Variants in SV2C observed in about 807,000 individuals in gnomAD.
The protein encoded by SV2C is synaptic vesicle glycoprotein 2C.
A neutral mutation model predicts 79.7 loss-of-function variants in SV2C; 49 were observed. The ratio of observed to expected loss-of-function variants is 0.61; its 90% confidence interval spans 0.49 to 0.78. The LOEUF (loss-of-function observed/expected upper bound fraction) is 0.78, where lower values mean the gene tolerates loss of function less well. SV2C is among the 30% of genes least tolerant of loss of function. SV2C has a pLI of 0.00. For missense variants in SV2C, 833 were observed against 912.9 expected (o/e 0.91, Z 1.13); for synonymous variants, 334 against 333.2 (o/e 1.00, Z -0.03).
the SV2C span, among the ~76,000 whole-genome samples, chr5:76,014,537 T>C: frequency 3.9e-5 from 6 of 152,188 alleles, no homozygotes; most frequent in African/African-American, 7.2e-5. Flanking sequence ...CTCTTCAACT[T>C]TGAATGTTCC....
At chr5:76,088,543 A>G (rs1449441153) in intron 1 of SV2C, among the ~76,000 whole-genome samples, 1 of 152,120 alleles carries the variant, frequency 6.6e-6, no homozygotes, top group African/African-American at 2.4e-5. Context: ...TAAGGGCACT[A>G]ATCCCATTCA....
the SV2C span, among the ~76,000 whole-genome samples, chr5:76,007,895 G>T: frequency 6.6e-6 from 1 of 152,084 alleles, no homozygotes; most frequent in Non-Finnish European, 1.5e-5. Flanking sequence ...CTCACCTGTT[G>T]CTGACAGGGA....
chr5:76,170,005 T>C (rs34951990), intron 2 of SV2C, among the ~76,000 whole-genome samples: 16,955 of 152,062 alleles, frequency 0.11, 1,045 homozygotes, highest in Non-Finnish European at 0.13. Context: ...TAAATAACAA[T>C]TTTCTCTACA....
the SV2C span, among the ~76,000 whole-genome samples, chr5:76,073,243 A>G: frequency 6.6e-6 from 1 of 151,974 alleles, no homozygotes; most frequent in South Asian, 2.1e-4. Flanking sequence ...TAAGTCTTTG[A>G]TCCATCTTGA....
chr5:76,040,441 A>T, the SV2C span, among the ~76,000 whole-genome samples: 1 of 152,232 alleles, frequency 6.6e-6, no homozygotes, highest in Non-Finnish European at 1.5e-5. Flanking sequence ...GCAACAGACA[A>T]TGCCTTTGAT....
chr5:76,352,480 G>A (rs922649561), intron 12 of SV2C, among the ~76,000 whole-genome samples: 20 of 152,314 alleles, frequency 1.3e-4, no homozygotes, highest in African/African-American at 4.6e-4. Context: ...TACTGCAAGA[G>A]TAGGTTTGTC....
At chr5:76,335,426 T>G (rs1186603463), downstream of SV2C, among the ~76,000 whole-genome samples, 1 of 147,754 alleles carries the variant, frequency 6.8e-6, no homozygotes, top group East Asian at 2.0e-4. Flanking sequence ...TTTTTTTTTT[T>G]TTTTTTTTTT....
the SV2C span, among the ~76,000 whole-genome samples, chr5:75,883,327 T>C: frequency 5.6e-5 from 8 of 143,976 alleles, no homozygotes; most frequent in South Asian, 2.2e-4. Context: ...TTGACCCAGC[T>C]ATCCCATTAC....
At chr5:75,875,680 C>A in the SV2C span, among the ~76,000 whole-genome samples, 1 of 152,004 alleles carries the variant, frequency 6.6e-6, no homozygotes, top group South Asian at 2.1e-4. Flanking sequence ...ATGCATCTGA[C>A]AAAGGTCTAA....
rs1207480465 is a variant in SV2C, at chr5:76,332,449, CAT to C, written c.*6904_*6905del. ...GAACTTTTGAGAGTCAGTTGAGAAA[CAT>C]AGCTATTACTAAAAAATTAAATAAG... is the stretch of plus-strand genomic sequence containing the variant. On this transcript the variant is annotated 3_prime_UTR_variant, in exon 13 of 13. Coordinates refer to ENST00000502798, the MANE Select transcript of SV2C (RefSeq NM_014979.4). 2.6e-5 allele frequency: 4 copies of C among 152,134 alleles called. No individual in the cohort carries two copies. The highest frequency in any genetic ancestry group is 4.4e-5 in the Non-Finnish European group (3 of 68,024). 9.4% of individuals were successfully genotyped at this position (152,134 alleles called of 1,614,324 possible). A position where few individuals can be genotyped will look rare whatever the true frequency, so the allele number is the denominator to read the frequency against.
chr5:75,940,224 C>T, the SV2C span, among the ~76,000 whole-genome samples: 3 of 152,108 alleles, frequency 2.0e-5, no homozygotes, highest in Admixed American at 2.0e-4. Context: ...ATTAGCCAGG[C>T]ACGATGGTGT....
At chr5:75,977,635 C>T in the SV2C span, among the ~76,000 whole-genome samples, 2 of 152,158 alleles carry the variant, frequency 1.3e-5, no homozygotes, top group African/African-American at 2.4e-5. Flanking sequence ...TCACCCATAG[C>T]GGGCTGAAAG....
chr5:76,259,681 G>A (rs1016075948), intron 4 of SV2C, among the ~76,000 whole-genome samples: 1 of 149,696 alleles, frequency 6.7e-6, no homozygotes, highest in Non-Finnish European at 1.5e-5. Context: ...TCCCACTTAT[G>A]AGTGAGAACA....
intron 4 of SV2C, among the ~76,000 whole-genome samples, chr5:76,265,024 C>T (rs995037314): frequency 2.0e-5 from 3 of 152,198 alleles, no homozygotes; most frequent in Admixed American, 1.3e-4. Context: ...AAGGCAGGAA[C>T]ATTTATGTCT....
At chr5:75,939,187 T>C in the SV2C span, among the ~76,000 whole-genome samples, 3 of 152,162 alleles carry the variant, frequency 2.0e-5, no homozygotes, top group Non-Finnish European at 2.9e-5. Flanking sequence ...TTTGTCTGCT[T>C]GGGCTGCTGT....
chr5:75,911,187 A>G, the SV2C span: 3 of 1,595,298 alleles, frequency 1.9e-6, no homozygotes, highest in Non-Finnish European at 1.7e-6. Context: ...AGCCTCTACC[A>G]GCCTGCAATG....
the SV2C span, among the ~76,000 whole-genome samples, chr5:75,900,177 T>G: frequency 8.7e-3 from 1,327 of 152,262 alleles, 48 homozygotes; most frequent in Admixed American, 0.069. Context: ...CTTTACAGTT[T>G]CCATGATTTT....
the SV2C span, among the ~76,000 whole-genome samples, chr5:76,057,363 T>C: frequency 6.6e-6 from 1 of 152,088 alleles, no homozygotes; most frequent in Non-Finnish European, 1.5e-5. Flanking sequence ...TATCTCCTAA[T>C]GCTATCCCAC....
At chr5:75,954,507 C>A in the SV2C span, among the ~76,000 whole-genome samples, 2 of 151,764 alleles carry the variant, frequency 1.3e-5, no homozygotes, top group Non-Finnish European at 2.9e-5. Context: ...CCTCTCTCAC[C>A]ACTCCTATTC....
Sources: allele counts gnomAD v4.1 joint callset (sites outside exome capture counted in the v4.1 genomes callset), GRCh38; gene constraint gnomAD v4.1.1; transcripts MANE v1.5; gene names NCBI Gene and HGNC (gene_info 2026-07-23, HGNC 2026-07-21).